The following SMYD3 variants were observed in gnomAD, a reference collection of about 807,000 sequenced individuals.
SMYD3 encodes SET and MYND domain containing 3, also known as histone-lysine N-methyltransferase SMYD3.
A neutral mutation model predicts 57.7 loss-of-function variants in SMYD3; 36 were observed. The observed-to-expected ratio is 0.62, with a 90% CI of 0.48 to 0.82. The LOEUF (loss-of-function observed/expected upper bound fraction) is 0.82. SMYD3 is among the 40% of genes least tolerant of loss of function. The pLI, the probability that SMYD3 is intolerant of heterozygous loss-of-function variation, is 0.00. For missense variants in SMYD3, 515 were observed against 538.8 expected (o/e 0.96, Z 0.44); for synonymous variants, 211 against 195.0 (o/e 1.08, Z -0.68).
chr1:246,195,147 G>A (rs988601723), intron 5 of SMYD3, among the ~76,000 whole-genome samples: 1 of 152,102 alleles, frequency 6.6e-6, no homozygotes, highest in East Asian at 1.9e-4. Flanking sequence ...GAAATTTATT[G>A]GCCCATATGA....
At chr1:245,854,994 A>AC in intron 10 of SMYD3, among the ~76,000 whole-genome samples, 1 of 152,324 alleles carries the variant, frequency 6.6e-6, no homozygotes, top group Non-Finnish European at 1.5e-5. Flanking sequence ...ATATATTCAG[A>AC]CCGGCCACTC....
At chr1:246,454,279 C>T (rs1487683187) in intron 1 of SMYD3, among the ~76,000 whole-genome samples, 8 of 152,102 alleles carry the variant, frequency 5.3e-5, no homozygotes, top group Admixed American at 5.2e-4. Flanking sequence ...AACCAGGCAA[C>T]CATTACTTAT....
chr1:246,203,264 T>A lies in SMYD3; in HGVS notation c.531+123937A>T, dbSNP rs1296377320. On this transcript the variant is annotated intron_variant, in intron 5 of 11. Transcript: ENST00000490107. The surrounding 1 kb of genome is among the most constrained non-coding windows in gnomAD (Gnocchi z 4.6). Reference sequence around the variant, plus strand: ...CCTTCAGTGAAATTAATTCAATAAATATCCACAGAGCTTTAATCCAGATGT... The same window carrying A: ...CCTTCAGTGAAATTAATTCAATAAAAATCCACAGAGCTTTAATCCAGATGT... Among the ~76,000 whole-genome samples the A allele has an allele frequency of 6.6e-6, 1 of 152,174 alleles. No individual in the cohort carries two copies. The highest frequency in any genetic ancestry group is 1.9e-4 in the East Asian group (1 of 5,198).
chr1:246,319,420 T>C (rs1252088717), intron 5 of SMYD3, among the ~76,000 whole-genome samples: 1 of 152,228 alleles, frequency 6.6e-6, no homozygotes, highest in African/African-American at 2.4e-5. Flanking sequence ...TATTTTTCCT[T>C]AATGGAACCC....
At position 245,891,877 on chromosome 1, in the gene SMYD3, T is replaced by C. The variant is rs566079982; in HGVS notation, c.813+23653A>G. The stretch of plus-strand genomic sequence containing the variant: ...GGGCAATACAGTGAGACTCCATCTC[T>C]ACAAAAATATTTTTAAAAATTAGCA... On this transcript the variant is annotated intron_variant, in intron 8 of 11. Coordinates refer to ENST00000490107, the MANE Select transcript of SMYD3 (RefSeq NM_001167740.2). Among the ~76,000 whole-genome samples, 23 of 152,268 alleles carry C rather than the reference T, an allele frequency of 1.5e-4. No homozygotes were observed. The East Asian group carries it at 4.2e-3, about 28-fold the overall frequency.
intron 11 of SMYD3, among the ~76,000 whole-genome samples, chr1:245,752,945 G>A (rs1242702369): frequency 2.0e-5 from 3 of 152,184 alleles, no homozygotes; most frequent in African/African-American, 4.8e-5. Context: ...TGACTGCATT[G>A]TGCAGCCTCC....
At chr1:246,118,285 G>A (rs1354728999) in intron 5 of SMYD3, among the ~76,000 whole-genome samples, 5 of 152,134 alleles carry the variant, frequency 3.3e-5, no homozygotes, top group Non-Finnish European at 7.4e-5. Context: ...TATTCAAAGA[G>A]TGGGAAATAT....
chr1:246,497,808 G>A (rs143075495), intron 1 of SMYD3, among the ~76,000 whole-genome samples: 116 of 152,036 alleles, frequency 7.6e-4, no homozygotes, highest in African/African-American at 2.7e-3. Flanking sequence ...CAAGGCTGCA[G>A]TGACCTATGA....
chr1:246,114,978 G>A (rs984151235), intron 5 of SMYD3, among the ~76,000 whole-genome samples: 4 of 152,292 alleles, frequency 2.6e-5, no homozygotes, highest in East Asian at 3.9e-4. Flanking sequence ...TTTACTTCCC[G>A]TGAAGCCAGC....
intron 1 of SMYD3, chr1:246,417,284 G>C (rs1188757281): frequency 6.6e-6 from 1 of 152,160 alleles, no homozygotes; most frequent in Non-Finnish European, 1.5e-5. Context: ...CAGCCCAACA[G>C]GTTCTTCTTA....
chr1:246,161,917 G>GC (rs2062127818), intron 5 of SMYD3, among the ~76,000 whole-genome samples: 1 of 152,150 alleles, frequency 6.6e-6, no homozygotes, highest in Non-Finnish European at 1.5e-5. Flanking sequence ...AGGCAATAGT[G>GC]CATGTGTGTT....
chr1:245,817,239 C>G (rs952621608), intron 10 of SMYD3, among the ~76,000 whole-genome samples: 1 of 144,830 alleles, frequency 6.9e-6, no homozygotes, highest in African/African-American at 2.6e-5. Context: ...GTCCCTGACC[C>G]CTGACCCCCG....
intron 5 of SMYD3, among the ~76,000 whole-genome samples, chr1:246,020,806 A>C (rs922789774): frequency 2.6e-5 from 4 of 152,178 alleles, no homozygotes; most frequent in Admixed American, 1.3e-4. Flanking sequence ...AGAAAGCCTG[A>C]CTGTAAACTC....
intron 1 of SMYD3, among the ~76,000 whole-genome samples, chr1:246,489,791 C>G (rs2103067523): frequency 6.6e-6 from 1 of 152,200 alleles, no homozygotes; most frequent in Non-Finnish European, 1.5e-5. Context: ...TGAAAGTACA[C>G]TGTATGAAGT....
chr1:245,857,116 G>T (rs1000288560), intron 10 of SMYD3, among the ~76,000 whole-genome samples: 1 of 152,168 alleles, frequency 6.6e-6, no homozygotes, highest in Admixed American at 6.5e-5. Flanking sequence ...TCATACATTT[G>T]ATTAAAGCTG....
chr1:245,962,153 GT>G (rs1193671288), intron 5 of SMYD3, among the ~76,000 whole-genome samples: 1 of 152,148 alleles, frequency 6.6e-6, no homozygotes, highest in Admixed American at 6.5e-5. Flanking sequence ...CTGGAGAAAG[GT>G]CGATGTTAGG....
chr1:246,498,388 C>A (rs1367474455), intron 1 of SMYD3, among the ~76,000 whole-genome samples: 1 of 152,120 alleles, frequency 6.6e-6, no homozygotes, highest in African/African-American at 2.4e-5. Flanking sequence ...GAGTGATTTC[C>A]AGTAGACACA....
At chr1:246,241,514 C>T (rs9787372) in intron 5 of SMYD3, among the ~76,000 whole-genome samples, 31,578 of 152,072 alleles carry the variant, frequency 0.21, 3,993 homozygotes, top group East Asian at 0.58. Flanking sequence ...TTGAGGATTT[C>T]TGCATCAATA....
chr1:246,063,508 A>G (rs4336819), intron 5 of SMYD3, among the ~76,000 whole-genome samples: 118,614 of 151,536 alleles, frequency 0.78, 46,880 homozygotes, highest in Admixed American at 0.84. Flanking sequence ...CCAAGGGCCA[A>G]ACTTGTGGGC....
Sources: gnomAD v4.1 joint callset for allele counts (sites outside exome capture counted in the v4.1 genomes callset) on GRCh38, gnomAD v4.1.1 for gene constraint, Gnocchi (gnomAD v3.1) non-coding constraint, MANE v1.5 for transcripts, NCBI Gene and HGNC (gene_info 2026-07-23, HGNC 2026-07-21) for gene names.